Variants in ABI3BP observed in about 807,000 individuals in gnomAD.
ABI3BP encodes target of Nesh-SH3.
A neutral mutation model predicts 268.6 loss-of-function variants in ABI3BP; 216 were observed. The ratio of observed to expected loss-of-function variants is 0.80; its 90% confidence interval spans 0.72 to 0.90. ABI3BP has a LOEUF of 0.90. Among genes scored for constraint, ABI3BP ranks in the 40% least tolerant of loss-of-function variants. ABI3BP has a pLI of 0.00. For synonymous variants in ABI3BP, 730 were observed against 730.0 expected, an observed-to-expected ratio of 1.00 and a Z score of 0.00; for missense variants, 2,090 against 2,182.4, an observed-to-expected ratio of 0.96 and a Z score of 0.84.
At chr3:100,993,270 T>C (rs1343132759) in intron 1 of ABI3BP, 36 bp downstream of exon 1, 10 of 1,361,556 alleles carry the variant, frequency 7.3e-6, no homozygotes, top group Non-Finnish European at 1.0e-5. Context: ...TATATCTTAA[T>C]ATTATTTTTA....
At chr3:100,962,553 C>T (rs927826760) in intron 1 of ABI3BP, among the ~76,000 whole-genome samples, 1 of 152,108 alleles carries the variant, frequency 6.6e-6, no homozygotes, top group African/African-American at 2.4e-5. Flanking sequence ...CTCTTCAGTC[C>T]ACTATGAAAT....
chr3:100,935,915 A>G (rs2065911939), intron 1 of ABI3BP, among the ~76,000 whole-genome samples: 1 of 152,188 alleles, frequency 6.6e-6, no homozygotes, highest in Non-Finnish European at 1.5e-5. Flanking sequence ...CAATCATGTC[A>G]TCTGCAAACA....
chr3:100,857,149 T>C (rs964707510), intron 14 of ABI3BP, among the ~76,000 whole-genome samples: 1 of 136,774 alleles, frequency 7.3e-6, no homozygotes, highest in African/African-American at 3.2e-5. Flanking sequence ...ATTGTATACA[T>C]ATAAAATGAG....
Position 100,794,950 on chromosome 3 carries a change from T to C in ABI3BP, c.3919A>G (p.Ser1307Gly). 1.3e-6 allele frequency: 2 copies of C among 1,571,814 alleles called. No individual in the cohort carries two copies. Among genetic ancestry groups the C allele is most frequent in the Non-Finnish European group, 1.7e-6 (2 of 1,158,188 alleles). The change falls in exon 54 of 68, where the codon AGT becomes GGT. Residue 1307 changes from serine to glycine, a missense_variant. Ser to Gly is a moderately conservative substitution (Grantham distance 56). Coordinates refer to ENST00000471714, the MANE Select transcript of ABI3BP (RefSeq NM_001375547.2). Reference sequence around the variant, plus strand: ...AGAGTGGTCTGTAGTTCCTCTTGACTAGGACTTGGGGAAATCATGGGTATA... The same window carrying C: ...AGAGTGGTCTGTAGTTCCTCTTGACCAGGACTTGGGGAAATCATGGGTATA... ...PFIPMISPSP[S>G]QEELQTTLEE... is the part of the protein sequence containing the mutation.
At chr3:100,816,816 CA>C in intron 42 of ABI3BP, 48 bp from the exon 43 acceptor site, 1 of 1,434,308 alleles carries the variant, frequency 7.0e-7, no homozygotes, top group Non-Finnish European at 9.5e-7. Context: ...GCTTTGGAGA[CA>C]AAACTTTAGG....
rs1413899756 is a variant in ABI3BP, at chr3:100,874,898, C to T, written c.853G>A (p.Val285Ile). ...AACATTAGGGATGCAGGAAGTTTTA[C>T]AGTAGTTTCATTAAGACCTGGAATA... ...LIIPGLNETT[V>I]KLPASLMFEI... Residue 285 changes from valine (V) to isoleucine (I), a missense_variant, in exon 9 of 68, where the codon GTA (valine) becomes ATA (isoleucine). By Grantham distance (29) the Val-to-Ile change is conservative (BLOSUM62 3). Coordinates refer to ENST00000471714, the MANE Select transcript of ABI3BP (RefSeq NM_001375547.2). 1.2e-6 allele frequency: 2 copies of T among 1,600,294 alleles called. No homozygotes were observed. Among genetic ancestry groups the T allele is most frequent in the Non-Finnish European group, 1.7e-6 (2 of 1,172,188 alleles).
chr3:100,843,749 T>C, intron 20 of ABI3BP: 4 of 982,052 alleles, frequency 4.1e-6, no homozygotes, highest in Non-Finnish European at 4.8e-6. Context: ...ATACAATAAA[T>C]ATCAAATAAG....
At chr3:100,963,012 C>T (rs1248497784) in intron 1 of ABI3BP, among the ~76,000 whole-genome samples, 1 of 152,138 alleles carries the variant, frequency 6.6e-6, no homozygotes, top group Non-Finnish European at 1.5e-5. Flanking sequence ...ACATCTGACT[C>T]TTTTCTAGTA....
At chr3:100,774,792 AT>A in intron 60 of ABI3BP, 119 bp from the exon 61 acceptor site, 1 of 798,788 alleles carries the variant, frequency 1.3e-6, no homozygotes, top group Non-Finnish European at 1.9e-6. Context: ...TGCAGTTTTG[AT>A]TTTTTAAAAT....
At chr3:100,919,200 C>A (rs1038940418) in intron 2 of ABI3BP, among the ~76,000 whole-genome samples, 1 of 151,774 alleles carries the variant, frequency 6.6e-6, no homozygotes, top group Non-Finnish European at 1.5e-5. Context: ...TCTTTATATT[C>A]CCTATATAGT....
rs150495561 is a variant in ABI3BP at position 100,977,581 on chromosome 3, A to G, written c.79+15725T>C. Among the ~76,000 whole-genome samples the G allele has an allele frequency of 2.5e-3, 383 of 152,312 alleles. 1 individual carries two copies. Among genetic ancestry groups the G allele is most frequent in the African/African-American group, 8.8e-3 (366 of 41,560 alleles). On this transcript the variant is annotated intron_variant, in intron 1 of 67. Coordinates refer to ENST00000471714, the MANE Select transcript of ABI3BP (RefSeq NM_001375547.2). Reference sequence around the variant, plus strand: ...CATAGATCTGCGTGAGTGTTTCATGACACATCAGCTGGTTTTCTCCAGATT... The same window carrying G: ...CATAGATCTGCGTGAGTGTTTCATGGCACATCAGCTGGTTTTCTCCAGATT...
At chr3:100,871,552 T>C (rs2099109704) in intron 9 of ABI3BP, among the ~76,000 whole-genome samples, 1 of 152,190 alleles carries the variant, frequency 6.6e-6, no homozygotes. Flanking sequence ...ATTCTCGTGA[T>C]AGTGAATAAG....
chr3:100,901,185 T>C (rs1010423181), intron 3 of ABI3BP, among the ~76,000 whole-genome samples: 1 of 152,202 alleles, frequency 6.6e-6, no homozygotes, highest in Non-Finnish European at 1.5e-5. Context: ...TGGGATGATC[T>C]ATGAGGCCAG....
intron 9 of ABI3BP, among the ~76,000 whole-genome samples, chr3:100,874,526 A>G (rs1362804686): frequency 6.6e-6 from 1 of 152,200 alleles, no homozygotes; most frequent in Non-Finnish European, 1.5e-5. Flanking sequence ...TAGTCGCCCC[A>G]TAATAGTATA....
rs769602713 is a variant in ABI3BP, at chr3:100,862,365, T to C, written c.1231A>G (p.Ile411Val). 1.1e-5 allele frequency: 18 copies of C among 1,600,050 alleles called. No individual in the cohort carries two copies. The highest frequency in any genetic ancestry group is 3.4e-6 in the Non-Finnish European group (4 of 1,174,084). Reference protein sequence around the residue: ...GTLASSEKPWIVPTAKISEDS... With the variant: ...GTLASSEKPWVVPTAKISEDS... ...TCAGATATTTTAGCTGTAGGCACAA[T>C]CCATGGCTTTTCACTTGAAGCTATA... Residue 411 changes from isoleucine (I) to valine (V), a missense_variant, in exon 14 of 68, where the codon ATT becomes GTT. Transcript: ENST00000471714.
intron 8 of ABI3BP, 76 bp downstream of exon 8, chr3:100,875,432 A>G: frequency 1.8e-6 from 2 of 1,139,744 alleles, no homozygotes; most frequent in East Asian, 2.3e-5. Flanking sequence ...TCACACTGCA[A>G]AACTCCAGAA....
At chr3:100,873,401 T>G (rs2099129257) in intron 9 of ABI3BP, among the ~76,000 whole-genome samples, 1 of 151,994 alleles carries the variant, frequency 6.6e-6, no homozygotes, top group Non-Finnish European at 1.5e-5. Flanking sequence ...TTTGATGTCT[T>G]TTTTCCCCCA....
At chr3:100,829,086 T>C (rs1426236800) in intron 33 of ABI3BP, among the ~76,000 whole-genome samples, 1 of 151,988 alleles carries the variant, frequency 6.6e-6, no homozygotes, top group Non-Finnish European at 1.5e-5. Context: ...ATTTCTCTAT[T>C]ACTCTTCCCC....
At chr3:100,873,781 C>T (rs2099133708) in intron 9 of ABI3BP, among the ~76,000 whole-genome samples, 1 of 152,182 alleles carries the variant, frequency 6.6e-6, no homozygotes, top group African/African-American at 2.4e-5. Context: ...CCAGAATGAG[C>T]AGGTGCCATG....
Sources: allele counts gnomAD v4.1 joint callset (sites outside exome capture counted in the v4.1 genomes callset), GRCh38; gene constraint gnomAD v4.1.1; transcripts MANE v1.5; gene names NCBI Gene and HGNC (gene_info 2026-07-23, HGNC 2026-07-21).